CCDC32: variants seen among roughly 807,000 people sequenced by gnomAD.
The protein encoded by CCDC32 is coiled-coil domain-containing protein 32.
In CCDC32, 9 loss-of-function variants were observed where a neutral mutation model predicts 20.1. The ratio of observed to expected loss-of-function variants is 0.45; its 90% CI spans 0.27 to 0.78. The LOEUF (loss-of-function observed/expected upper bound fraction) is 0.78. Ranked by LOEUF, CCDC32 falls within the 30% of genes least tolerant of loss-of-function variation. CCDC32 has a pLI of 0.16. For missense variants in CCDC32, 204 were observed against 215.5 expected, an observed-to-expected ratio of 0.95 and a Z score of 0.33; for synonymous variants, 63 against 79.0, an observed-to-expected ratio of 0.80 and a Z score of 1.07.
chr15:40,559,471 C>T lies in CCDC32; in HGVS notation c.245-2099G>A, dbSNP rs115352362. ...TTCTATAGCTTTATCCAATTGTTGC[C>T]TCTTCTCCTTATCATCATTAAACAG... On this transcript the variant is annotated intron_variant, in intron 2 of 3. Coordinates refer to ENST00000416810, the MANE Select transcript of CCDC32 (RefSeq NM_001080792.4). 2.7e-3 allele frequency among the ~76,000 whole-genome samples: 414 copies of T among 152,250 alleles called. 1 individual carries two copies. Among genetic ancestry groups the T allele is most frequent in the African/African-American group, 9.4e-3 (392 of 41,548 alleles).
chr15:40,535,590 T>C, downstream of CCDC32: 1 of 982,224 alleles, frequency 1.0e-6, no homozygotes, highest in South Asian at 4.7e-5. Context: ...ACTTCATGGT[T>C]CTTTATTCCT....
chr15:40,527,130 T>C (rs1194640239), downstream of CCDC32, among the ~76,000 whole-genome samples: 1 of 151,692 alleles, frequency 6.6e-6, no homozygotes, highest in Non-Finnish European at 1.5e-5. Context: ...TTTGTATTTT[T>C]AGTAGAGACA....
At chr15:40,527,025 A>G (rs749714471), downstream of CCDC32, among the ~76,000 whole-genome samples, 3 of 152,198 alleles carry the variant, frequency 2.0e-5, no homozygotes, top group Non-Finnish European at 2.9e-5. Flanking sequence ...ATCTCAGCTC[A>G]CTGCAACCTC....
intron 1 of CCDC32, among the ~76,000 whole-genome samples, chr15:40,563,898 G>A (rs986762744): frequency 6.6e-6 from 1 of 150,828 alleles, no homozygotes; most frequent in Admixed American, 6.6e-5. Context: ...TTGGCTCACT[G>A]CAACCTCCGC....
At chr15:40,532,846 C>T (rs1225194922), downstream of CCDC32, among the ~76,000 whole-genome samples, 4 of 150,464 alleles carry the variant, frequency 2.7e-5, no homozygotes, top group Non-Finnish European at 4.4e-5. Flanking sequence ...TTCAGGCTGG[C>T]GCGTGCCACC....
chr15:40,551,075 T>A (rs1889835585), downstream of CCDC32, among the ~76,000 whole-genome samples: 1 of 152,096 alleles, frequency 6.6e-6, no homozygotes, highest in Non-Finnish European at 1.5e-5. Flanking sequence ...AAATTTTAGT[T>A]TTTCTTTCTT....
At chr15:40,563,495 A>G (rs114451033) in intron 1 of CCDC32, among the ~76,000 whole-genome samples, 1 of 152,258 alleles carries the variant, frequency 6.6e-6, no homozygotes, top group African/African-American at 2.4e-5. Context: ...GGATGGTGGG[A>G]GCTGGGGGCT....
Position 40,553,518 on chromosome 15 carries a change from A to G in CCDC32, c.*453T>C, listed in dbSNP as rs750562457. On this transcript the variant is annotated 3_prime_UTR_variant, in exon 4 of 4. Transcript: ENST00000416810. ...TCTTACTGGCCCCACTCACGTGACAATTCACCAAGGGAATGCTTGGGACAC... is the reference window on the plus strand; with the variant it reads ...TCTTACTGGCCCCACTCACGTGACAGTTCACCAAGGGAATGCTTGGGACAC... 3.2e-5 allele frequency: 32 copies of G among 987,604 alleles called. No homozygotes were observed. Among genetic ancestry groups the G allele is most frequent in the Non-Finnish European group, 3.6e-5 (30 of 831,456 alleles). 61.2% of individuals were successfully genotyped at this position (987,604 alleles called of 1,614,324 possible). A position where few individuals can be genotyped will look rare whatever the true frequency, so the allele number is the denominator to read the frequency against.
chr15:40,523,186 A>C, the CCDC32 span, among the ~76,000 whole-genome samples: 1 of 150,540 alleles, frequency 6.6e-6, no homozygotes, highest in Non-Finnish European at 1.5e-5. Flanking sequence ...GTACCTGGCC[A>C]GCTGCTGGTT....
At position 40,539,393 on chromosome 15, in the gene CCDC32, T is replaced by C. The variant is rs781200284; in HGVS notation, c.402-38A>G. The C allele has an allele frequency of 6.7e-5, 100 of 1,497,558 alleles. No individual in the cohort carries two copies. In the South Asian group the frequency reaches 1.1e-3, roughly 16 times the overall value. 92.8% of individuals were successfully genotyped at this position (1,497,558 alleles called of 1,614,324 possible). On this transcript the variant is annotated intron_variant, in intron 3 of 3. Coordinates refer to the CCDC32 transcript ENST00000558113. Reference sequence around the variant, plus strand: ...GACAGACCGACAGAGACGAGGAAGATAGACAGATACAGTCAGAGGCACACA... The same window carrying C: ...GACAGACCGACAGAGACGAGGAAGACAGACAGATACAGTCAGAGGCACACA...
chr15:40,539,880 A>ACACACACACACACACACC (rs769226221), intron 3 of CCDC32, among the ~76,000 whole-genome samples: 22 of 139,140 alleles, frequency 1.6e-4, no homozygotes, highest in Middle Eastern at 3.8e-3. Flanking sequence ...ACACACACAC[A>ACACACACACACACACACC]CCCCGCTCCT....
In CCDC32 at chr15:40,564,676, C is replaced by T. The variant is rs577980267; in HGVS notation, c.-13+300G>A. The T allele has an allele frequency of 7.6e-6, 12 of 1,570,908 alleles. No homozygotes were observed. In the South Asian group the frequency reaches 1.0e-4, roughly 13 times the overall value. ...GGAAGTAAAAGGGACAGCTATGACA[C>T]GGCGGTCCTGGGTGAACTGATGTCT... is the stretch of plus-strand genomic sequence containing the variant. On this transcript the variant is annotated intron_variant, in intron 1 of 3. Coordinates refer to ENST00000416810, the MANE Select transcript of CCDC32 (RefSeq NM_001080792.4).
At chr15:40,535,610 C>CA (rs11299163), downstream of CCDC32, 4,342 of 818,252 alleles carry the variant, frequency 5.3e-3, no homozygotes, top group Middle Eastern at 0.01. Context: ...TTTTCACAAC[C>CA]AAAAAAAAAA....
At chr15:40,560,287 C>T (rs949000001) in intron 2 of CCDC32, among the ~76,000 whole-genome samples, 3 of 152,092 alleles carry the variant, frequency 2.0e-5, no homozygotes, top group East Asian at 1.9e-4. Flanking sequence ...GGATTACAGG[C>T]GTGAGCCACC....
downstream of CCDC32, among the ~76,000 whole-genome samples, chr15:40,528,396 T>C (rs1009453754): frequency 3.9e-5 from 6 of 152,108 alleles, no homozygotes; most frequent in African/African-American, 1.2e-4. Context: ...GGCAAGGCCA[T>C]CATTAACCCT....
chr15:40,534,475 C>T (rs1195480155), downstream of CCDC32: 1 of 158,224 alleles, frequency 6.3e-6, no homozygotes, highest in South Asian at 1.9e-4. Context: ...GAATGAGAGC[C>T]GACTGAAGGG....
the CCDC32 span, among the ~76,000 whole-genome samples, chr15:40,521,325 CTT>C: frequency 6.6e-6 from 1 of 152,318 alleles, no homozygotes; most frequent in Admixed American, 6.5e-5. Context: ...TTTTGTGACA[CTT>C]TTCTCACTTG....
downstream of CCDC32, among the ~76,000 whole-genome samples, chr15:40,530,246 T>C (rs966730328): frequency 6.9e-6 from 1 of 144,742 alleles, no homozygotes; most frequent in Admixed American, 7.3e-5. Context: ...TGAGCCAAGA[T>C]TGTGCCATTG....
intron 2 of CCDC32, among the ~76,000 whole-genome samples, chr15:40,561,183 G>A (rs1297322406): frequency 6.6e-6 from 1 of 152,078 alleles, no homozygotes; most frequent in Admixed American, 6.5e-5. Context: ...GGTATACAAA[G>A]TGGTATATTG....
Sources: gnomAD v4.1 joint callset for allele counts (sites outside exome capture counted in the v4.1 genomes callset) on GRCh38, gnomAD v4.1.1 for gene constraint, MANE v1.5 for transcripts, NCBI Gene and HGNC (gene_info 2026-07-23, HGNC 2026-07-21) for gene names.